The following TF variants were observed in gnomAD, a reference collection of about 807,000 sequenced individuals.
The protein encoded by TF is serotransferrin.
TF carries 55 observed loss-of-function variants against 82.4 expected under a neutral mutation model. The ratio of observed to expected loss-of-function variants is 0.67; its 90% confidence interval spans 0.54 to 0.84. The LOEUF (loss-of-function observed/expected upper bound fraction) is 0.84. TF is among the 40% of genes least tolerant of loss of function. The pLI, the probability that TF is intolerant of heterozygous loss-of-function variation, is 0.00. For missense variants in TF, 737 were observed against 868.4 expected, an observed-to-expected ratio of 0.85 and a Z score of 1.90; for synonymous variants, 332 against 332.6, an observed-to-expected ratio of 1.00 and a Z score of 0.02.
chr3:133,684,004 C>G, the TF span, among the ~76,000 whole-genome samples: 1 of 152,204 alleles, frequency 6.6e-6, no homozygotes, highest in Admixed American at 6.5e-5. Flanking sequence ...CAAACTATCT[C>G]TCAGACCACA....
the TF span, among the ~76,000 whole-genome samples, chr3:133,671,806 A>G: frequency 6.6e-6 from 1 of 151,586 alleles, no homozygotes; most frequent in Non-Finnish European, 1.5e-5. Flanking sequence ...AAAAAAAAAA[A>G]AAAAGAAGAA....
At chr3:133,698,967 T>G in the TF span, among the ~76,000 whole-genome samples, 1 of 152,206 alleles carries the variant, frequency 6.6e-6, no homozygotes, top group East Asian at 1.9e-4. Context: ...ATGTGGCCCC[T>G]TTAGTGGGGG....
the TF span, among the ~76,000 whole-genome samples, chr3:133,676,934 C>A: frequency 6.6e-6 from 1 of 152,212 alleles, no homozygotes; most frequent in Non-Finnish European, 1.5e-5. Context: ...GGCTGCTGGA[C>A]CAGGCCAGAG....
the TF span, among the ~76,000 whole-genome samples, chr3:133,737,272 A>C: frequency 6.6e-6 from 1 of 152,238 alleles, no homozygotes; most frequent in Non-Finnish European, 1.5e-5. Context: ...ACCAATGAGA[A>C]CAAAGACACA....
the TF span, among the ~76,000 whole-genome samples, chr3:133,663,592 A>G: frequency 2.6e-5 from 4 of 152,128 alleles, no homozygotes; most frequent in Non-Finnish European, 5.9e-5. Flanking sequence ...ACTCCTGCTC[A>G]CACTATTCCC....
chr3:133,757,178 A>G (rs535566415), intron 7 of TF, among the ~76,000 whole-genome samples, 169 bp downstream of exon 7: 1 of 152,340 alleles, frequency 6.6e-6, no homozygotes, highest in Non-Finnish European at 1.5e-5. Flanking sequence ...ACAGAGCAGC[A>G]GGGAGCCTGC....
At chr3:133,693,908 G>A in the TF span, among the ~76,000 whole-genome samples, 1 of 152,222 alleles carries the variant, frequency 6.6e-6, no homozygotes, top group Non-Finnish European at 1.5e-5. Context: ...TTAGTTCAGT[G>A]TAGGTCAGTG....
the TF span, among the ~76,000 whole-genome samples, chr3:133,692,353 A>G: frequency 6.6e-6 from 1 of 152,198 alleles, no homozygotes; most frequent in African/African-American, 2.4e-5. Flanking sequence ...GGGCCCTGGC[A>G]TATTCCTGGG....
intron 9 of TF, among the ~76,000 whole-genome samples, chr3:133,762,988 A>G (rs1004382129): frequency 6.6e-6 from 1 of 152,246 alleles, no homozygotes; most frequent in Admixed American, 6.5e-5. Flanking sequence ...TTCAACAGAC[A>G]GGATTAGTAA....
At chr3:133,709,892 G>C in the TF span, among the ~76,000 whole-genome samples, 1 of 152,234 alleles carries the variant, frequency 6.6e-6, no homozygotes, top group African/African-American at 2.4e-5. Flanking sequence ...GCAGATCTCA[G>C]GGAAATAGCT....
chr3:133,769,124 T>C (rs1296296275), intron 13 of TF, among the ~76,000 whole-genome samples: 1 of 152,180 alleles, frequency 6.6e-6, no homozygotes, highest in African/African-American at 2.4e-5. Context: ...CCCATTCTGC[T>C]TTAGGCCTTC....
chr3:133,754,054 G>A (rs1447638586), intron 3 of TF: 4 of 443,146 alleles, frequency 9.0e-6, no homozygotes, highest in Non-Finnish European at 1.3e-5. Flanking sequence ...ACACAGGAGG[G>A]GTCACTCTGG....
upstream of TF, chr3:133,745,858 G>A (rs1347231272): frequency 6.4e-6 from 1 of 157,228 alleles, no homozygotes. Flanking sequence ...GAGAGCCCAG[G>A]AGCAGGATTT....
chr3:133,682,553 G>A, the TF span, among the ~76,000 whole-genome samples: 2 of 152,132 alleles, frequency 1.3e-5, no homozygotes, highest in Non-Finnish European at 2.9e-5. Flanking sequence ...CGAGAACTAC[G>A]TGACGCATGC....
the TF span, among the ~76,000 whole-genome samples, chr3:133,684,494 A>G: frequency 3.3e-5 from 5 of 152,346 alleles, no homozygotes; most frequent in East Asian, 7.7e-4. Flanking sequence ...AGAATCAAAT[A>G]GATGTAATAA....
chr3:133,769,854 C>G (rs1056509305), intron 13 of TF, among the ~76,000 whole-genome samples: 1 of 152,136 alleles, frequency 6.6e-6, no homozygotes, highest in African/African-American at 2.4e-5. Flanking sequence ...CCCTACTAAC[C>G]AGAGTTTATT....
chr3:133,726,313 T>C, the TF span, among the ~76,000 whole-genome samples: 3 of 152,246 alleles, frequency 2.0e-5, no homozygotes, highest in Non-Finnish European at 4.4e-5. Context: ...GGTAAGCTAT[T>C]GATTATTGCC....
chr3:133,736,709 A>C, the TF span, among the ~76,000 whole-genome samples: 2 of 151,930 alleles, frequency 1.3e-5, no homozygotes, highest in Admixed American at 1.3e-4. Context: ...AAAGATTAAA[A>C]AAAAGACAAA....
At chr3:133,733,724 C>T in the TF span, among the ~76,000 whole-genome samples, 1 of 152,160 alleles carries the variant, frequency 6.6e-6, no homozygotes, top group Non-Finnish European at 1.5e-5. Flanking sequence ...AATATCTCTG[C>T]TCCGTTATTC....
Sources: allele counts gnomAD v4.1 joint callset (sites outside exome capture counted in the v4.1 genomes callset), GRCh38; gene constraint gnomAD v4.1.1; transcripts MANE v1.5; gene names NCBI Gene and HGNC (gene_info 2026-07-23, HGNC 2026-07-21).